ALMS1: variants seen among roughly 807,000 people sequenced by gnomAD.
ALMS1 encodes centrosome-associated protein ALMS1.
Under a neutral mutation model 352.2 loss-of-function variants are expected in ALMS1, and 271 were observed. The observed-to-expected ratio is 0.77, with a 90% CI of 0.70 to 0.85. The LOEUF (loss-of-function observed/expected upper bound fraction) is 0.85, where lower values mean the gene tolerates loss of function less well. ALMS1 is among the 40% of genes least tolerant of loss of function. The pLI, the probability that ALMS1 is intolerant of heterozygous loss-of-function variation, is 0.00. For synonymous variants in ALMS1, 1,865 were observed against 1,761.2 expected (o/e 1.06, Z -1.48); for missense variants, 5,445 against 4,870.7 (o/e 1.12, Z -3.51).
intron 11 of ALMS1, among the ~76,000 whole-genome samples, chr2:73,527,853 G>T (rs951740194): frequency 6.6e-6 from 1 of 150,946 alleles, no homozygotes; most frequent in African/African-American, 2.4e-5. Context: ...TTTATTTGAA[G>T]TTTTTCTATG....
chr2:73,468,178 C>T (rs1255881206), intron 9 of ALMS1, among the ~76,000 whole-genome samples: 1 of 151,784 alleles, frequency 6.6e-6, no homozygotes, highest in Non-Finnish European at 1.5e-5. Context: ...ATAGCAAAAA[C>T]TTTATAAAAA....
intron 7 of ALMS1, among the ~76,000 whole-genome samples, chr2:73,435,695 G>A (rs1359814482): frequency 3.3e-5 from 5 of 151,864 alleles, no homozygotes; most frequent in Non-Finnish European, 7.4e-5. Flanking sequence ...GAGCTCAAGT[G>A]ATCCTCCTGC....
Position 73,569,305 on chromosome 2 carries a change from G to A in ALMS1, c.10385-2957G>A, listed in dbSNP as rs536632225. Reference sequence around the variant, plus strand: ...GCTGGGATTACAGGCCTGAGCCACCGTGCCCAGCCTTCAGCTTGCTTATTT... The same window carrying A: ...GCTGGGATTACAGGCCTGAGCCACCATGCCCAGCCTTCAGCTTGCTTATTT... On this transcript the variant is annotated intron_variant, in intron 15 of 22. Transcript: ENST00000613296. Among the ~76,000 whole-genome samples, 5 of 152,000 alleles carry A rather than the reference G, an allele frequency of 3.3e-5. No individual in the cohort carries two copies. In the South Asian group the frequency reaches 6.2e-4, roughly 19 times the overall value.
chr2:73,418,400 T>C (rs1170652669), intron 2 of ALMS1, among the ~76,000 whole-genome samples: 1 of 152,218 alleles, frequency 6.6e-6, no homozygotes, highest in Non-Finnish European at 1.5e-5. Context: ...ATTCCCAAGC[T>C]AAAGCTGAAG....
At position 73,454,037 on chromosome 2, in the gene ALMS1, G is replaced by T. The variant is rs749108325; in HGVS notation, c.7510G>T (p.Glu2504Ter). Residue 2504 changes from glutamate (E) to a stop codon, truncating the protein, a stop_gained, in exon 8 of 23, where the codon GAG becomes TAG. Coordinates refer to ENST00000613296, the MANE Select transcript of ALMS1 (RefSeq NM_001378454.1). LOFTEE classifies it high-confidence loss of function. Reference protein sequence around the residue: ...NHAKEILRNAEEEESRVRAHA... With the variant: ...NHAKEILRNA ...TGCTAAAGAAATACTCAGAAATGCA[G>T]AGGAAGAGGAAAGCCGGGTACGAGC... 1 of 1,612,754 alleles carries T rather than the reference G, an allele frequency of 6.2e-7. No individual in the cohort carries two copies. The highest frequency in any genetic ancestry group is 8.5e-7 in the Non-Finnish European group (1 of 1,179,370).
chr2:73,585,080 A>G (rs191127368), intron 16 of ALMS1, among the ~76,000 whole-genome samples: 1 of 152,350 alleles, frequency 6.6e-6, no homozygotes. Flanking sequence ...TCATGCTGCT[A>G]TAAACATGCA....
chr2:73,482,252 A>C (rs1328593373), intron 9 of ALMS1, among the ~76,000 whole-genome samples: 1 of 152,240 alleles, frequency 6.6e-6, no homozygotes, highest in Non-Finnish European at 1.5e-5. Flanking sequence ...AATACGTCCC[A>C]TCAATACCTA....
In ALMS1 at chr2:73,451,070, G is replaced by T. The variant is rs183839621; in HGVS notation, c.4543G>T (p.Ala1515Ser). 6.2e-7 allele frequency: 1 copy of T among 1,610,288 alleles called. No homozygotes were observed. The highest frequency in any genetic ancestry group is 1.1e-5 in the South Asian group (1 of 90,760). Residue 1515 changes from alanine (A) to serine (S), a missense_variant, in exon 8 of 23, where the codon GCA becomes TCA. Physicochemically the swap from Ala to Ser is moderately conservative, Grantham distance 99. Coordinates refer to ENST00000613296, the MANE Select transcript of ALMS1 (RefSeq NM_001378454.1). Reference protein sequence around the residue: ...APGPVGQTTGAPTITSPSYSQ... With the variant: ...APGPVGQTTGSPTITSPSYSQ... ...TGGACCAGTTGGCCAGACAACTGGCGCACCAACTATAACCTCTCCTTCCTA... is the reference window on the plus strand; with the variant it reads ...TGGACCAGTTGGCCAGACAACTGGCTCACCAACTATAACCTCTCCTTCCTA...
Position 73,448,668 on chromosome 2 carries a change from C to T in ALMS1, c.2141C>T (p.Thr714Ile), listed in dbSNP as rs777129218. The T allele has an allele frequency of 1.9e-6, 3 of 1,612,856 alleles. No homozygotes were observed. Among genetic ancestry groups the T allele is most frequent in the South Asian group, 1.1e-5 (1 of 90,986 alleles). Residue 714 changes from threonine (T) to isoleucine (I), a missense_variant, in exon 8 of 23, where the codon ACT becomes ATT. Coordinates refer to ENST00000613296, the MANE Select transcript of ALMS1 (RefSeq NM_001378454.1). ...ACTGGGACAGCAACAGTACTCTCTACTCCCCACTCACATAGAGAGAAGCCT... is the reference window on the plus strand; with the variant it reads ...ACTGGGACAGCAACAGTACTCTCTATTCCCCACTCACATAGAGAGAAGCCT... ...QKTGTATVLSTPHSHREKPGI... is the reference protein window; with the variant it reads ...QKTGTATVLSIPHSHREKPGI...
chr2:73,426,771 C>T (rs1425645130), intron 6 of ALMS1, among the ~76,000 whole-genome samples: 1 of 152,182 alleles, frequency 6.6e-6, no homozygotes, highest in African/African-American at 2.4e-5. Flanking sequence ...TACTTTACAA[C>T]TACCATCTGA....
chr2:73,490,822 T>C lies in ALMS1; in HGVS notation c.8863T>C (p.Ser2955Pro). The C allele has an allele frequency of 6.2e-7, 1 of 1,614,062 alleles. No individual in the cohort carries two copies. The highest frequency in any genetic ancestry group is 8.5e-7 in the Non-Finnish European group (1 of 1,180,018). The stretch of plus-strand genomic sequence containing the variant: ...TTCTCCCCTTCCTCAAGGTCAGGAT[T>C]CTATAGCTTCAGACCTTCCGTCTCC... ...NHSPLPQGQD[S>P]IASDLPSPIS... The change falls in exon 10 of 23, where the codon TCT (serine) becomes CCT (proline). Residue 2955 changes from serine to proline, a missense_variant. Ser to Pro is a moderately conservative substitution (Grantham distance 74, BLOSUM62 -1). Transcript: ENST00000613296.
chr2:73,607,352 C>T (rs1243271941), intron 21 of ALMS1, among the ~76,000 whole-genome samples: 4 of 152,116 alleles, frequency 2.6e-5, no homozygotes, highest in Non-Finnish European at 5.9e-5. Context: ...TTGTTGGAAA[C>T]GTATTTACAA....
intron 1 of ALMS1, among the ~76,000 whole-genome samples, chr2:73,392,550 T>C (rs944929861): frequency 6.6e-6 from 1 of 152,184 alleles, no homozygotes; most frequent in Non-Finnish European, 1.5e-5. Context: ...TTAATCTACC[T>C]TCTGTCTATA....
At chr2:73,461,064 C>T (rs549076726) in intron 9 of ALMS1, among the ~76,000 whole-genome samples, 10 of 152,332 alleles carry the variant, frequency 6.6e-5, no homozygotes, top group Middle Eastern at 3.4e-3. Flanking sequence ...CTTAAATGTC[C>T]CTGTCTGACA....
chr2:73,400,996 A>G (rs984749000), intron 1 of ALMS1, among the ~76,000 whole-genome samples: 1 of 152,168 alleles, frequency 6.6e-6, no homozygotes, highest in Non-Finnish European at 1.5e-5. Context: ...CACTTTGGCC[A>G]GGCTGGTCTC....
rs1553400662 is a variant in ALMS1 at position 73,424,416 on chromosome 2, CTA to C, written c.765-8_765-7del. On this transcript the variant is annotated splice_polypyrimidine_tract_variant and intron_variant, in intron 4 of 22. Coordinates refer to ENST00000613296, the MANE Select transcript of ALMS1 (RefSeq NM_001378454.1). ...ATGTTATTTATTTATTTATTTTTAA[CTA>C]TATATTTTCAGGGGAATTCCTGATA... 2 of 1,459,398 alleles carry C rather than the reference CTA, an allele frequency of 1.4e-6. No individual in the cohort carries two copies. The highest frequency in any genetic ancestry group is 1.9e-6 in the Non-Finnish European group (2 of 1,080,580). 90.4% of individuals were successfully genotyped at this position (1,459,398 alleles called of 1,614,324 possible). A position where few individuals can be genotyped will look rare whatever the true frequency, so the allele number is the denominator to read the frequency against.
intron 12 of ALMS1, 71 bp from the exon 13 acceptor site, chr2:73,550,196 A>G: frequency 1.9e-6 from 3 of 1,581,564 alleles, no homozygotes; most frequent in East Asian, 2.2e-5. Context: ...CTAAGAGGCA[A>G]ATTTTTAAAA....
chr2:73,397,192 A>G (rs1670781495), intron 1 of ALMS1, among the ~76,000 whole-genome samples: 1 of 152,050 alleles, frequency 6.6e-6, no homozygotes, highest in African/African-American at 2.4e-5. Flanking sequence ...ACCTCCAGCA[A>G]TTTGTCAATT....
chr2:73,466,305 T>C (rs1572949628), intron 9 of ALMS1, among the ~76,000 whole-genome samples: 1 of 151,910 alleles, frequency 6.6e-6, no homozygotes, highest in Non-Finnish European at 1.5e-5. Flanking sequence ...TATGCAGCCA[T>C]AAAAAATGAT....
Sources: allele counts gnomAD v4.1 joint callset (sites outside exome capture counted in the v4.1 genomes callset), GRCh38; gene constraint gnomAD v4.1.1; transcripts MANE v1.5; gene names NCBI Gene and HGNC (gene_info 2026-07-23, HGNC 2026-07-21).